N4BP1: variants seen among roughly 807,000 people sequenced by gnomAD.
N4BP1 encodes the protein NEDD4-binding protein 1.
Under a neutral mutation model 70.9 loss-of-function variants are expected in N4BP1, and 21 were observed. That is an observed-to-expected ratio of 0.30 (90% confidence interval 0.21 to 0.43). N4BP1 has a LOEUF of 0.43. Among genes scored for constraint, N4BP1 ranks in the 20% least tolerant of loss-of-function variants. The pLI is 1.00. For synonymous variants in N4BP1, 387 were observed against 394.6 expected (o/e 0.98, Z 0.23); for missense variants, 936 against 1,069.4 (o/e 0.88, Z 1.74).
In N4BP1 at chr16:48,609,874, C is replaced by G. The variant is rs1964654896; in HGVS notation, c.99G>C (p.Val33=). ...CTAGCGCGCCGAGCACGGCTAGGCT[C>G]ACGCCAAACAGGCCCTCGATACGGC... ...SRGRIEGLFG[V]SLAVLGALGA... The change falls in exon 1 of 7, where the codon GTG becomes GTC. Residue 33 remains valine (V), a synonymous_variant. Transcript: ENST00000262384. 6.7e-7 allele frequency: 1 copy of G among 1,483,512 alleles called. No individual in the cohort carries two copies. The highest frequency in any genetic ancestry group is 1.5e-5 in the African/African-American group (1 of 68,708). The allele number at this position is 1,483,512 out of a possible 1,614,324, so 91.9% of individuals were successfully genotyped here. A position where few individuals can be genotyped will look rare whatever the true frequency, so the allele number is the denominator to read the frequency against.
At position 48,561,966 on chromosome 16, in the gene N4BP1, G is replaced by C. The variant is rs762654267; in HGVS notation, c.677C>G (p.Ser226Cys). The C allele has an allele frequency of 2.9e-5, 46 of 1,613,804 alleles. No homozygotes were observed. The highest frequency in any genetic ancestry group is 3.8e-5 in the Non-Finnish European group (45 of 1,179,880). ...TQNAATGLNI[S>C]RDETVLQEEA... is the part of the protein sequence containing the mutation. ...TTCCTGCAAAACAGTTTCATCTCTA[G>C]AAATATTCAGCCCTGTGGCAGCATT... The change falls in exon 2 of 7, where the codon TCT becomes TGT. Residue 226 changes from serine to cysteine, a missense_variant. Physicochemically the swap from Ser to Cys is moderately radical, Grantham distance 112 (BLOSUM62 -1). This residue lies in a region of N4BP1 where 515 missense variants were observed against 491.7 expected (regional missense o/e 1.05). Transcript: ENST00000262384.
chr16:48,602,600 C>T lies in N4BP1; in HGVS notation c.198+7175G>A, dbSNP rs1488821559. On this transcript the variant is annotated intron_variant, in intron 1 of 6. Transcript: ENST00000262384. Reference sequence around the variant, plus strand: ...TTTCTTAAGAAGATGATTTTCACAACCATAGTGAGTAAAAAATATTCTGGG... The same window carrying T: ...TTTCTTAAGAAGATGATTTTCACAATCATAGTGAGTAAAAAATATTCTGGG... Among the ~76,000 whole-genome samples, 11 of 152,140 alleles carry T rather than the reference C, an allele frequency of 7.2e-5. No individual in the cohort carries two copies. The South Asian group carries it at 2.3e-3, about 32-fold the overall frequency.
chr16:48,585,337 A>G (rs1964228765), intron 1 of N4BP1, among the ~76,000 whole-genome samples: 1 of 151,970 alleles, frequency 6.6e-6, no homozygotes, highest in South Asian at 2.1e-4. Flanking sequence ...ATTTATGATT[A>G]TGAAAAATAT....
chr16:48,547,824 G>A (rs530814549), intron 5 of N4BP1, among the ~76,000 whole-genome samples, 183 bp downstream of exon 5: 3 of 152,288 alleles, frequency 2.0e-5, no homozygotes, highest in Middle Eastern at 3.4e-3. Context: ...CTGGGCCCCC[G>A]CTTACCTGGA....
At chr16:48,580,359 T>TA (rs201440818) in intron 1 of N4BP1, among the ~76,000 whole-genome samples, 1 of 152,026 alleles carries the variant, frequency 6.6e-6, no homozygotes, top group East Asian at 1.9e-4. Context: ...CCTTGACACA[T>TA]ACAACCTACC....
At chr16:48,560,122 C>A (rs921945446) in intron 2 of N4BP1, among the ~76,000 whole-genome samples, 5 of 152,032 alleles carry the variant, frequency 3.3e-5, no homozygotes, top group Admixed American at 6.5e-5. Context: ...CCCAAGCGTA[C>A]AGGTTTCAAA....
chr16:48,576,239 C>CTA (rs1964091918), intron 1 of N4BP1, among the ~76,000 whole-genome samples: 1 of 152,168 alleles, frequency 6.6e-6, no homozygotes, highest in African/African-American at 2.4e-5. Context: ...CTCTAGCCAT[C>CTA]TATATTAGTA....
At chr16:48,594,038 C>T in intron 1 of N4BP1, among the ~76,000 whole-genome samples, 1 of 146,470 alleles carries the variant, frequency 6.8e-6, no homozygotes, top group Admixed American at 6.7e-5. Flanking sequence ...AACCACCTAG[C>T]TTTAGCATTT....
At position 48,546,258 on chromosome 16, in the gene N4BP1, C is replaced by T. The variant is rs1040898484; in HGVS notation, c.2226-4G>A. On this transcript the variant is annotated splice_region_variant and splice_polypyrimidine_tract_variant and intron_variant, in intron 5 of 6. Coordinates refer to ENST00000262384, the MANE Select transcript of N4BP1 (RefSeq NM_153029.4). ...CACGAACGTGTACTGCAGCAGCCTA[C>T]AACACAGAACACCATGAGGCTGAGA... The T allele has an allele frequency of 2.1e-5, 33 of 1,588,768 alleles. No homozygotes were observed. Among genetic ancestry groups the T allele is most frequent in the Non-Finnish European group, 2.8e-5 (33 of 1,166,876 alleles).
At chr16:48,559,631 A>G (rs1963822300) in intron 2 of N4BP1, 1 of 152,340 alleles carries the variant, frequency 6.6e-6, no homozygotes, top group East Asian at 1.9e-4. Context: ...ACAGGCTGCC[A>G]ATTGTTCAGA....
Position 48,542,875 on chromosome 16 carries a change from G to T in N4BP1, c.*29C>A. 6.4e-7 allele frequency: 1 copy of T among 1,562,816 alleles called. No homozygotes were observed. Among genetic ancestry groups the T allele is most frequent in the Non-Finnish European group, 8.7e-7 (1 of 1,145,542 alleles). ...AGCTTGAGTTTGATCAGCCAGCCCT[G>T]AGCGCAAGCTCAGCGCTCAGCACAA... On this transcript the variant is annotated 3_prime_UTR_variant, in exon 7 of 7. Coordinates refer to ENST00000262384, the MANE Select transcript of N4BP1 (RefSeq NM_153029.4).
chr16:48,582,997 A>G (rs1167164958), intron 1 of N4BP1, among the ~76,000 whole-genome samples: 1 of 152,184 alleles, frequency 6.6e-6, no homozygotes, highest in African/African-American at 2.4e-5. Context: ...GAGGTGGGGG[A>G]ACTGCTTGAG....
intron 1 of N4BP1, chr16:48,600,278 C>G: frequency 8.8e-7 from 1 of 1,134,416 alleles, no homozygotes; most frequent in Admixed American, 1.7e-5. Context: ...GTCATAAAAA[C>G]TTTAAAAAGA....
chr16:48,566,757 A>T (rs2151091117), intron 1 of N4BP1, among the ~76,000 whole-genome samples: 1 of 152,282 alleles, frequency 6.6e-6, no homozygotes, highest in Middle Eastern at 3.4e-3. Flanking sequence ...CTAGATCCTC[A>T]TTTATTTTCT....
At chr16:48,602,981 C>T (rs1186858269) in intron 1 of N4BP1, among the ~76,000 whole-genome samples, 1 of 150,648 alleles carries the variant, frequency 6.6e-6, no homozygotes, top group African/African-American at 2.4e-5. Context: ...AACCCTATCT[C>T]ACACACACAC....
At chr16:48,544,725 A>C (rs1963564788) in intron 6 of N4BP1, among the ~76,000 whole-genome samples, 1 of 152,238 alleles carries the variant, frequency 6.6e-6, no homozygotes, top group South Asian at 2.1e-4. Flanking sequence ...TTTTCCATTC[A>C]GTGAAGGTAG....
chr16:48,604,643 G>A (rs184068656), intron 1 of N4BP1, among the ~76,000 whole-genome samples: 7 of 144,048 alleles, frequency 4.9e-5, no homozygotes, highest in African/African-American at 1.4e-4. Context: ...AAAACAAAAC[G>A]AAACAAAGCT....
At chr16:48,562,901 T>C (rs1419939014) in intron 1 of N4BP1, among the ~76,000 whole-genome samples, 1 of 152,112 alleles carries the variant, frequency 6.6e-6, no homozygotes, top group Admixed American at 6.5e-5. Context: ...CCAGATTTCT[T>C]GAAGGTATAA....
rs1387799712 is a variant in N4BP1, at chr16:48,561,813, G to C, written c.830C>G (p.Ser277Cys). Residue 277 changes from serine (S) to cysteine (C), a missense_variant, in exon 2 of 7, where the codon TCC (serine) becomes TGC (cysteine). Physicochemically the swap from Ser to Cys is moderately radical, Grantham distance 112. Around this residue, in one of 4 missense-constraint regions of N4BP1, gnomAD observed 515 missense variants for 491.7 expected, o/e 1.05. Coordinates refer to ENST00000262384, the MANE Select transcript of N4BP1 (RefSeq NM_153029.4). Reference sequence around the variant, plus strand: ...CCTTTTCTGACAAATTCTCTCATTGGAAAGTGCCTCTTCATCTGGGGTTAG... The same window carrying C: ...CCTTTTCTGACAAATTCTCTCATTGCAAAGTGCCTCTTCATCTGGGGTTAG... ...NGLTPDEEALSNERICQKRRF... is the reference protein window; with the variant it reads ...NGLTPDEEALCNERICQKRRF... 1.2e-6 allele frequency: 2 copies of C among 1,613,596 alleles called. No homozygotes were observed. The highest frequency in any genetic ancestry group is 2.2e-5 in the South Asian group (2 of 91,072).
Sources: gnomAD v4.1 joint callset for allele counts (sites outside exome capture counted in the v4.1 genomes callset) on GRCh38, gnomAD v4.1.1 for gene constraint, gnomAD v4.1.1 regional missense constraint, MANE v1.5 for transcripts, NCBI Gene and HGNC (gene_info 2026-07-23, HGNC 2026-07-21) for gene names.